Variants in MAMDC2 observed in about 807,000 individuals in gnomAD.
The protein encoded by MAMDC2 is MAM domain-containing protein 2.
In MAMDC2, 57 loss-of-function variants were observed where a neutral mutation model predicts 89.8. The observed-to-expected ratio is 0.63, with a 90% CI of 0.51 to 0.79. MAMDC2 has a LOEUF of 0.79. Ranked by LOEUF, MAMDC2 falls within the 30% of genes least tolerant of loss-of-function variation. The pLI is 0.00. For synonymous variants in MAMDC2, 313 were observed against 293.4 expected, an observed-to-expected ratio of 1.07 and a Z score of -0.68; for missense variants, 800 against 820.6, an observed-to-expected ratio of 0.97 and a Z score of 0.31.
chr9:70,108,356 C>T lies in MAMDC2; in HGVS notation c.294C>T (p.Ser98=), dbSNP rs1162612422. Residue 98 remains serine (S), a synonymous_variant, in exon 3 of 14, where the codon AGC becomes AGT. Coordinates refer to ENST00000377182, the MANE Select transcript of MAMDC2 (RefSeq NM_153267.5). ...CTTCGGAGTCTCTGTCAGATCCCAG[C>T]CAGCTGAACCTCTACATGAGATTTG... ...TTSSESLSDP[S]QLNLYMRFED... is the part of the protein sequence containing the mutation. 6.2e-7 allele frequency: 1 copy of T among 1,613,984 alleles called. No individual in the cohort carries two copies. The highest frequency in any genetic ancestry group is 1.3e-5 in the African/African-American group (1 of 74,936).
At chr9:70,224,222 A>T (rs1334209635) in intron 12 of MAMDC2, among the ~76,000 whole-genome samples, 3 of 151,682 alleles carry the variant, frequency 2.0e-5, no homozygotes, top group Non-Finnish European at 2.9e-5. Flanking sequence ...AACCAGTAAG[A>T]GGAGAAAGAG....
chr9:70,093,429 T>A (rs1207067452), intron 2 of MAMDC2, among the ~76,000 whole-genome samples: 1 of 151,346 alleles, frequency 6.6e-6, no homozygotes, highest in Admixed American at 6.6e-5. Context: ...ACAGTTTTTT[T>A]TTTTTTTTTT....
chr9:70,047,081 CTT>C (rs1826771597), intron 2 of MAMDC2, among the ~76,000 whole-genome samples: 2 of 152,206 alleles, frequency 1.3e-5, no homozygotes, highest in African/African-American at 4.8e-5. Flanking sequence ...TGCAAATGCA[CTT>C]CTTCCTGCAG....
chr9:70,129,463 A>T (rs1427682607), intron 6 of MAMDC2, among the ~76,000 whole-genome samples: 3 of 152,142 alleles, frequency 2.0e-5, no homozygotes, highest in African/African-American at 7.2e-5. Context: ...GCAGCATTGA[A>T]ACAGACTAAT....
intron 11 of MAMDC2, chr9:70,188,762 A>AT (rs10701601): frequency 0.01 from 959 of 95,144 alleles, 25 homozygotes; most frequent in African/African-American, 0.025. Context: ...AAAACAATTG[A>AT]TTTTTTTTTT....
At chr9:70,194,822 T>C (rs2032946795) in intron 11 of MAMDC2, among the ~76,000 whole-genome samples, 2 of 152,134 alleles carry the variant, frequency 1.3e-5, no homozygotes, top group Admixed American at 6.6e-5. Context: ...TTTTATAAAA[T>C]AGAAAATTAT....
intron 9 of MAMDC2, among the ~76,000 whole-genome samples, chr9:70,162,592 G>C (rs533827956): frequency 2.7e-4 from 41 of 151,412 alleles, no homozygotes; most frequent in African/African-American, 8.4e-4. Flanking sequence ...CCGGGCCGAG[G>C]TGATCCTTCC....
intron 2 of MAMDC2, among the ~76,000 whole-genome samples, chr9:70,100,221 T>C (rs1268078295): frequency 6.6e-6 from 1 of 152,152 alleles, no homozygotes; most frequent in African/African-American, 2.4e-5. Flanking sequence ...ACTACAAAAT[T>C]GGTATTTTAA....
chr9:70,184,606 C>T (rs1304630716), intron 11 of MAMDC2, among the ~76,000 whole-genome samples: 1 of 151,678 alleles, frequency 6.6e-6, no homozygotes, highest in African/African-American at 2.4e-5. Context: ...CTAATCTTGT[C>T]TTTATGCCTT....
At chr9:70,179,768 T>C (rs376121285) in intron 11 of MAMDC2, among the ~76,000 whole-genome samples, 1 of 94,500 alleles carries the variant, frequency 1.1e-5, no homozygotes, top group South Asian at 5.1e-4. Context: ...AAATGAATTA[T>C]AGACCTCTTT....
intron 5 of MAMDC2, among the ~76,000 whole-genome samples, 165 bp from the exon 6 acceptor site, chr9:70,125,994 C>G (rs1351795799): frequency 6.6e-6 from 1 of 152,184 alleles, no homozygotes. Flanking sequence ...TGCAACATTT[C>G]TCCATCCACT....
rs147196298 is a variant in MAMDC2 at position 70,225,600 on chromosome 9, T to C, written c.1912-150T>C. The C allele has an allele frequency of 1.4e-4, 71 of 516,580 alleles. 1 individual carries two copies. The highest frequency in any genetic ancestry group is 1.1e-3 in the African/African-American group (57 of 50,896). The allele number at this position is 516,580 out of a possible 1,614,324, so 32.0% of individuals were successfully genotyped here. Reference sequence around the variant, plus strand: ...CCAAATAAATATTCTCTTTAATACCTAGATTTCAATTTGTAATTTGGTATC... The same window carrying C: ...CCAAATAAATATTCTCTTTAATACCCAGATTTCAATTTGTAATTTGGTATC... On this transcript the variant is annotated intron_variant, in intron 12 of 13. Transcript: ENST00000377182.
At chr9:70,144,570 T>C (rs2031335538) in intron 9 of MAMDC2, among the ~76,000 whole-genome samples, 1 of 152,190 alleles carries the variant, frequency 6.6e-6, no homozygotes, top group Non-Finnish European at 1.5e-5. Flanking sequence ...AATCAGCAAA[T>C]ATCTCTTGAG....
chr9:70,110,383 A>T (rs900254222), intron 4 of MAMDC2, among the ~76,000 whole-genome samples: 6 of 152,226 alleles, frequency 3.9e-5, no homozygotes, highest in African/African-American at 1.4e-4. Flanking sequence ...AGGAAGGACA[A>T]GCTGTGCAGT....
At chr9:70,215,924 T>C (rs982217104) in intron 11 of MAMDC2, among the ~76,000 whole-genome samples, 1 of 152,162 alleles carries the variant, frequency 6.6e-6, no homozygotes, top group Non-Finnish European at 1.5e-5. Flanking sequence ...TTTGTGTTTG[T>C]AGAAATAAGA....
chr9:70,201,969 G>A (rs1386938938), intron 11 of MAMDC2, among the ~76,000 whole-genome samples: 7 of 150,106 alleles, frequency 4.7e-5, no homozygotes, highest in Admixed American at 2.0e-4. Context: ...TCTTGCTAGC[G>A]GTCTATCAAT....
intron 9 of MAMDC2, among the ~76,000 whole-genome samples, chr9:70,156,449 C>T (rs533130068): frequency 6.6e-6 from 1 of 152,218 alleles, no homozygotes; most frequent in Admixed American, 6.5e-5. Context: ...AATGTGTAGA[C>T]AAGACACATG....
intron 11 of MAMDC2, among the ~76,000 whole-genome samples, chr9:70,208,533 G>T (rs561792286): frequency 5.9e-5 from 9 of 152,252 alleles, no homozygotes; most frequent in Non-Finnish European, 7.4e-5. Flanking sequence ...GATATTTTGG[G>T]CTGAGATGAT....
At chr9:70,119,988 C>T (rs2030211057) in intron 5 of MAMDC2, among the ~76,000 whole-genome samples, 1 of 152,146 alleles carries the variant, frequency 6.6e-6, no homozygotes, top group South Asian at 2.1e-4. Context: ...TCTGGCTGAC[C>T]ATCTGTGAAT....
Sources: allele counts gnomAD v4.1 joint callset (sites outside exome capture counted in the v4.1 genomes callset), GRCh38; gene constraint gnomAD v4.1.1; transcripts MANE v1.5; gene names NCBI Gene and HGNC (gene_info 2026-07-23, HGNC 2026-07-21).